The following PUS10 variants were observed in gnomAD, a reference collection of about 807,000 sequenced individuals.
PUS10 encodes tRNA pseudouridine synthase Pus10.
A neutral mutation model predicts 75.0 loss-of-function variants in PUS10; 59 were observed. That is an observed-to-expected ratio of 0.79 (90% CI 0.64 to 0.98). The LOEUF (loss-of-function observed/expected upper bound fraction) is 0.98, where lower values mean the gene tolerates loss of function less well. PUS10 is among the 50% of genes least tolerant of loss of function. PUS10 has a pLI of 0.00. For synonymous variants in PUS10, 219 were observed against 211.6 expected (o/e 1.03, Z -0.30); for missense variants, 650 against 614.4 (o/e 1.06, Z -0.61).
Position 61,006,572 on chromosome 2 carries a change from T to C in PUS10, c.453A>G (p.Gln151=). 1.9e-6 allele frequency: 3 copies of C among 1,613,030 alleles called. No homozygotes were observed. Among genetic ancestry groups the C allele is most frequent in the Non-Finnish European group, 2.5e-6 (3 of 1,179,264 alleles). ...ATGACCTTACCTCTCTTACAGATAGTTGTGGTGGGAAGGAGACTGAAAATA... is the reference window on the plus strand; with the variant it reads ...ATGACCTTACCTCTCTTACAGATAGCTGTGGTGGGAAGGAGACTGAAAATA... The part of the protein sequence containing the change: ...SLVFSVSFPP[Q]LSVREHAAWL... Residue 151 remains glutamine (Q), a synonymous_variant, in exon 4 of 18, where the codon CAA becomes CAG. Transcript: ENST00000316752.
chr2:61,001,292 C>CTT (rs35762308), intron 4 of PUS10, among the ~76,000 whole-genome samples: 21 of 145,794 alleles, frequency 1.4e-4, no homozygotes, highest in South Asian at 2.2e-4. Flanking sequence ...GCCACCTCTT[C>CTT]TTTTTTTTTT....
intron 6 of PUS10, 34 bp from the exon 7 acceptor site, chr2:60,965,518 A>G: frequency 1.4e-6 from 2 of 1,424,802 alleles, no homozygotes; most frequent in African/African-American, 1.4e-5. Flanking sequence ...AAAATGAGCA[A>G]AAGGAAACTA....
intron 8 of PUS10, 133 bp from the exon 9 acceptor site, chr2:60,963,023 T>C: frequency 7.3e-7 from 1 of 1,371,686 alleles, no homozygotes; most frequent in Non-Finnish European, 9.4e-7. Context: ...CATGGAGAAA[T>C]ACTTAAGCAT....
intron 6 of PUS10, chr2:60,966,975 G>C (rs1348890763): frequency 6.6e-6 from 1 of 152,464 alleles, no homozygotes; most frequent in Non-Finnish European, 1.5e-5. Flanking sequence ...CAGAGACTGA[G>C]GTAAGGTCTG....
intron 15 of PUS10, among the ~76,000 whole-genome samples, chr2:60,950,558 C>T (rs1419045295): frequency 6.6e-6 from 1 of 152,210 alleles, no homozygotes; most frequent in African/African-American, 2.4e-5. Context: ...GCTGGGACTA[C>T]AGGCATGCGC....
chr2:60,961,516 G>A lies in PUS10; in HGVS notation c.821C>T (p.Ala274Val). 1 of 1,614,102 alleles carries A rather than the reference G, an allele frequency of 6.2e-7. No homozygotes were observed. Among genetic ancestry groups the A allele is most frequent in the East Asian group, 2.2e-5 (1 of 44,876 alleles). ...QFPCPPNSPK[A>V]VCAVLEIECA... ...TTCAATTTCAAGAACAGCGCATACA[G>A]CCTTTGGTGAGTTTGGAGGACAAGG... Residue 274 changes from alanine to valine, a missense_variant, in exon 10 of 18, where the codon GCT (alanine) becomes GTT (valine). By Grantham distance (64) the Ala-to-Val change is moderately conservative. Transcript: ENST00000316752.
At chr2:60,990,159 C>G (rs568081328) in intron 4 of PUS10, among the ~76,000 whole-genome samples, 150 of 151,410 alleles carry the variant, frequency 9.9e-4, no homozygotes, top group African/African-American at 3.5e-3. Context: ...CACGCACGCA[C>G]GGGAAAAAAA....
At chr2:60,984,522 T>C (rs1162420949) in intron 4 of PUS10, among the ~76,000 whole-genome samples, 1 of 152,216 alleles carries the variant, frequency 6.6e-6, no homozygotes. Context: ...CAATTCTAAA[T>C]CTGTATTCCC....
In PUS10 at chr2:61,017,946, T is replaced by TC. The variant is rs779404424; in HGVS notation, c.-16+61dup. 317 of 1,390,318 alleles carry TC rather than the reference T, an allele frequency of 2.3e-4. 1 individual carries two copies. The South Asian group carries it at 2.6e-3, about 12-fold the overall frequency. 86.1% of individuals were successfully genotyped at this position (1,390,318 alleles called of 1,614,324 possible). On this transcript the variant is annotated intron_variant, in intron 1 of 17. Transcript: ENST00000316752. ...GCGGTTGTTAGTGGAGGTATTCCCT[T>TC]CCCCCCTTTAACCAATACCCAACCT...
intron 4 of PUS10, among the ~76,000 whole-genome samples, chr2:61,003,095 T>A (rs1263835958): frequency 6.6e-6 from 1 of 152,210 alleles, no homozygotes; most frequent in Admixed American, 6.5e-5. Flanking sequence ...ATGATTATTA[T>A]ACTAACTGTG....
intron 1 of PUS10, among the ~76,000 whole-genome samples, chr2:61,016,336 A>C (rs1679976759): frequency 6.6e-6 from 1 of 152,232 alleles, no homozygotes; most frequent in Admixed American, 6.5e-5. Flanking sequence ...ACCTACCAAC[A>C]ATTTATCAAC....
At chr2:61,012,359 T>C (rs1473041773) in intron 1 of PUS10, among the ~76,000 whole-genome samples, 2 of 152,028 alleles carry the variant, frequency 1.3e-5, no homozygotes, top group East Asian at 3.9e-4. Flanking sequence ...TACCCCAAAA[T>C]GAAGGCCTCA....
intron 4 of PUS10, among the ~76,000 whole-genome samples, chr2:60,978,053 G>A (rs1005211888): frequency 2.0e-5 from 3 of 152,108 alleles, no homozygotes; most frequent in Non-Finnish European, 4.4e-5. Context: ...CTTAGGAGGG[G>A]CATGTAAAGG....
intron 2 of PUS10, among the ~76,000 whole-genome samples, chr2:61,011,300 AATG>A (rs1679582250): frequency 6.6e-6 from 1 of 152,224 alleles, no homozygotes; most frequent in South Asian, 2.1e-4. Flanking sequence ...TAACAGTAAT[AATG>A]ATGATAAGCA....
At chr2:61,012,834 C>CAAAAA (rs70959885) in intron 1 of PUS10, among the ~76,000 whole-genome samples, 14 of 30,168 alleles carry the variant, frequency 4.6e-4, no homozygotes, top group Admixed American at 1.3e-3. Flanking sequence ...AACTCCGTCT[C>CAAAAA]AAAAAAAAAA....
At chr2:61,005,580 C>G (rs1679157650) in intron 4 of PUS10, among the ~76,000 whole-genome samples, 1 of 152,178 alleles carries the variant, frequency 6.6e-6, no homozygotes, top group Non-Finnish European at 1.5e-5. Flanking sequence ...GTCTGTTTCT[C>G]TCTACCAAAA....
chr2:61,017,657 G>A (rs1680089912), intron 1 of PUS10: 2 of 880,864 alleles, frequency 2.3e-6, no homozygotes, highest in East Asian at 5.4e-5. Context: ...GGGCGGGGTG[G>A]ACGGCTCGGT....
intron 8 of PUS10, among the ~76,000 whole-genome samples, chr2:60,963,372 C>G (rs1347146146): frequency 2.0e-5 from 3 of 152,190 alleles, no homozygotes; most frequent in African/African-American, 4.8e-5. Flanking sequence ...GCCAACCTGC[C>G]AGCCCTGGCA....
chr2:60,949,892 A>G (rs1206526212), intron 15 of PUS10, among the ~76,000 whole-genome samples: 1 of 152,204 alleles, frequency 6.6e-6, no homozygotes, highest in Non-Finnish European at 1.5e-5. Flanking sequence ...TGTTGGGATT[A>G]CAGACGTGAG....
Sources: gnomAD v4.1 joint callset for allele counts (sites outside exome capture counted in the v4.1 genomes callset) on GRCh38, gnomAD v4.1.1 for gene constraint, MANE v1.5 for transcripts, NCBI Gene and HGNC (gene_info 2026-07-23, HGNC 2026-07-21) for gene names.